ZNF786: variants seen among roughly 807,000 people sequenced by gnomAD.
ZNF786 encodes the protein zinc finger protein 786.
In ZNF786, 56 loss-of-function variants were observed where a neutral mutation model predicts 63.1. That is an observed-to-expected ratio of 0.89 (90% confidence interval 0.72 to 1.11). The LOEUF is 1.11. Ranked by LOEUF, ZNF786 falls within the 50% of genes least tolerant of loss-of-function variation. The pLI, the probability that ZNF786 is intolerant of heterozygous loss-of-function variation, is 0.00. For missense variants in ZNF786, 1,213 were observed against 1,041.8 expected (o/e 1.16, Z -2.26); for synonymous variants, 485 against 406.9 (o/e 1.19, Z -2.31).
chr7:149,070,855 G>C lies in ZNF786; in HGVS notation c.1917C>G (p.His639Gln). Residue 639 changes from histidine (H) to glutamine (Q), a missense_variant, in exon 4 of 4, where the codon CAC (histidine) becomes CAG (glutamine). His to Gln is a conservative substitution (Grantham distance 24, BLOSUM62 0). Coordinates refer to ENST00000491431, the MANE Select transcript of ZNF786 (RefSeq NM_152411.4). ...GCATCTCCCCGCTGTGCAGCAGCTG[G>C]TGGGCCTTCATGTCGGCCTTCACGC... ...RYRVKADMKA[H>Q]QLLHSGEMPF... 1.9e-6 allele frequency: 3 copies of C among 1,613,738 alleles called. No homozygotes were observed. Among genetic ancestry groups the C allele is most frequent in the Non-Finnish European group, 2.5e-6 (3 of 1,179,938 alleles).
At chr7:149,088,936 G>A (rs1418882212) in intron 1 of ZNF786, among the ~76,000 whole-genome samples, 1 of 150,178 alleles carries the variant, frequency 6.7e-6, no homozygotes, top group African/African-American at 2.4e-5. Context: ...CAACATTTTG[G>A]GATCTGGCCC....
intron 1 of ZNF786, among the ~76,000 whole-genome samples, chr7:149,090,177 A>C (rs1173126222): frequency 1.8e-4 from 28 of 152,206 alleles, no homozygotes; most frequent in Non-Finnish European, 4.4e-5. Context: ...GCTAGACAAT[A>C]AATTCTGACA....
In ZNF786 at chr7:149,072,195, C is replaced by G; in HGVS notation, c.577G>C (p.Gly193Arg). The G allele has an allele frequency of 2.5e-6, 4 of 1,613,446 alleles. No individual in the cohort carries two copies. The highest frequency in any genetic ancestry group is 1.7e-6 in the Non-Finnish European group (2 of 1,179,762). Residue 193 changes from glycine (G) to arginine (R), a missense_variant, in exon 4 of 4, where the codon GGG becomes CGG. Gly to Arg is a moderately radical substitution (Grantham distance 125, BLOSUM62 -2). Transcript: ENST00000491431. ...ESTQHPWPVC[G>R]ESCWENNHLV... The stretch of plus-strand genomic sequence containing the variant: ...TGGTTGTTCTCCCAACAGCTTTCCC[C>G]GCAGACAGGCCAAGGGTGCTGGGTG...
chr7:149,086,020 T>C (rs1002731222), intron 1 of ZNF786, among the ~76,000 whole-genome samples: 8 of 152,220 alleles, frequency 5.3e-5, no homozygotes, highest in Non-Finnish European at 1.2e-4. Context: ...AATCATACAG[T>C]CTGCAAACAG....
rs1563136850 is a variant in ZNF786 at position 149,072,073 on chromosome 7, G to C, written c.699C>G (p.Ser233Arg). ...KRAETQMPWS[S>R]PRVQRHFRCG... ...ACCGGAAGTGCCTCTGTACCCGAGG[G>C]CTGCTCCACGGCATCTGCGTCTCCG... Residue 233 changes from serine (S) to arginine (R), a missense_variant, in exon 4 of 4, where the codon AGC (serine) becomes AGG (arginine). Coordinates refer to ENST00000491431, the MANE Select transcript of ZNF786 (RefSeq NM_152411.4). 2 of 1,613,204 alleles carry C rather than the reference G, an allele frequency of 1.2e-6. No individual in the cohort carries two copies. Among genetic ancestry groups the C allele is most frequent in the South Asian group, 1.1e-5 (1 of 90,978 alleles).
intron 2 of ZNF786, among the ~76,000 whole-genome samples, chr7:149,076,154 G>T (rs1825544629): frequency 6.6e-6 from 1 of 151,538 alleles, no homozygotes; most frequent in Non-Finnish European, 1.5e-5. Flanking sequence ...CACTCTTGTT[G>T]CCCAGGCTGG....
chr7:149,074,064 A>G (rs1825497098), intron 3 of ZNF786, among the ~76,000 whole-genome samples: 1 of 151,876 alleles, frequency 6.6e-6, no homozygotes, highest in Admixed American at 6.6e-5. Flanking sequence ...AAGTGCTGGG[A>G]TTACAGGCCT....
chr7:149,072,099 C>G lies in ZNF786; in HGVS notation c.673G>C (p.Ala225Pro), dbSNP rs373990992. ...CTGCTCCACGGCATCTGCGTCTCCG[C>G]CCTCTTGTTGAATTTCTCCCAGGCC... ...RRAWEKFNKR[A>P]ETQMPWSSPR... The change falls in exon 4 of 4, where the codon GCG (alanine) becomes CCG (proline). Residue 225 changes from alanine to proline, a missense_variant. By Grantham distance (27) the Ala-to-Pro change is conservative. Transcript: ENST00000491431. 11 of 1,613,198 alleles carry G rather than the reference C, an allele frequency of 6.8e-6. No individual in the cohort carries two copies. The highest frequency in any genetic ancestry group is 1.3e-5 in the African/African-American group (1 of 75,058).
chr7:149,081,418 A>T (rs1825650429), intron 1 of ZNF786, among the ~76,000 whole-genome samples: 1 of 143,886 alleles, frequency 6.9e-6, no homozygotes, highest in Non-Finnish European at 1.5e-5. Context: ...CCTGGGCGAC[A>T]GAGCAAGACT....
At chr7:149,072,719 G>A (rs1443367870) in intron 3 of ZNF786, among the ~76,000 whole-genome samples, 2 of 152,172 alleles carry the variant, frequency 1.3e-5, no homozygotes, top group Non-Finnish European at 2.9e-5. Flanking sequence ...AATATAGAGT[G>A]TAAGCTCTGG....
intron 2 of ZNF786, among the ~76,000 whole-genome samples, chr7:149,079,092 C>T (rs1039362308): frequency 2.0e-5 from 3 of 152,114 alleles, no homozygotes; most frequent in Non-Finnish European, 4.4e-5. Flanking sequence ...GTTGCCCTCA[C>T]GTGGTTAACT....
intron 2 of ZNF786, among the ~76,000 whole-genome samples, chr7:149,077,555 G>T (rs1442316277): frequency 6.6e-6 from 1 of 151,970 alleles, no homozygotes; most frequent in Non-Finnish European, 1.5e-5. Context: ...GTGAACCCGG[G>T]AGGCGGAGCT....
chr7:149,087,045 G>C (rs1250124041), intron 1 of ZNF786, among the ~76,000 whole-genome samples: 1 of 152,054 alleles, frequency 6.6e-6, no homozygotes, highest in African/African-American at 2.4e-5. Context: ...GTTTCACCTT[G>C]TTGGTCAGGC....
At chr7:149,076,228 C>T (rs908905948) in intron 2 of ZNF786, among the ~76,000 whole-genome samples, 1 of 151,864 alleles carries the variant, frequency 6.6e-6, no homozygotes, top group African/African-American at 2.4e-5. Context: ...GATTCTCCTG[C>T]CTCAGTCTCC....
At chr7:149,090,523 CCG>C in intron 1 of ZNF786, 98 bp downstream of exon 1, 1 of 1,313,232 alleles carries the variant, frequency 7.6e-7, no homozygotes, top group Non-Finnish European at 1.0e-6. Context: ...TACCCGTGCA[CCG>C]CGCGCACTCA....
chr7:149,088,587 T>G (rs1386158587), intron 1 of ZNF786, among the ~76,000 whole-genome samples: 1 of 152,244 alleles, frequency 6.6e-6, no homozygotes, highest in Non-Finnish European at 1.5e-5. Flanking sequence ...AATTCCTTAC[T>G]TTTAAAACTT....
At chr7:149,090,067 AAAT>A (rs1825805635) in intron 1 of ZNF786, among the ~76,000 whole-genome samples, 1 of 152,186 alleles carries the variant, frequency 6.6e-6, no homozygotes, top group South Asian at 2.1e-4. Flanking sequence ...TACAAGATAA[AAAT>A]ACCCTCTAAA....
At chr7:149,082,428 C>G (rs1825667447) in intron 1 of ZNF786, 1 of 454,620 alleles carries the variant, frequency 2.2e-6, no homozygotes, top group Admixed American at 6.4e-5. Context: ...TGGATACTTC[C>G]TGAGGCTCAC....
chr7:149,070,503 A>G lies in ZNF786; in HGVS notation c.2269T>C (p.Ser757Pro). Residue 757 changes from serine to proline, a missense_variant, in exon 4 of 4, where the codon TCC becomes CCC. Transcript: ENST00000491431. ...LAEHIRVHTK[S>P]CPAPNELDIK... The stretch of plus-strand genomic sequence containing the variant: ...TCCAGTTCATTTGGAGCAGGACAGG[A>G]TTTTGTGTGTACTCTGATGTGCTCC... The G allele has an allele frequency of 1.2e-6, 2 of 1,613,988 alleles. No individual in the cohort carries two copies. The highest frequency in any genetic ancestry group is 1.7e-6 in the Non-Finnish European group (2 of 1,179,898).
Sources: allele counts gnomAD v4.1 joint callset (sites outside exome capture counted in the v4.1 genomes callset), GRCh38; gene constraint gnomAD v4.1.1; transcripts MANE v1.5; gene names NCBI Gene and HGNC (gene_info 2026-07-23, HGNC 2026-07-21).